Variants in BPIFC observed in about 807,000 individuals in gnomAD.
BPIFC encodes BPI fold-containing family C protein.
Under a neutral mutation model 57.6 loss-of-function variants are expected in BPIFC, and 60 were observed. That is an observed-to-expected ratio of 1.04 (90% CI 0.85 to 1.29). BPIFC has a LOEUF of 1.29. Among genes scored for constraint, BPIFC ranks in the 50% most tolerant of loss-of-function variants. The pLI, the probability that BPIFC is intolerant of heterozygous loss-of-function variation, is 0.00. For synonymous variants in BPIFC, 243 were observed against 224.5 expected (o/e 1.08, Z -0.74); for missense variants, 581 against 600.5 (o/e 0.97, Z 0.34).
intron 13 of BPIFC, among the ~76,000 whole-genome samples, chr22:32,419,824 A>AAAAAC (rs1933790254): frequency 7.3e-6 from 1 of 137,918 alleles, no homozygotes. Flanking sequence ...AAAAAAAAAA[A>AAAAAC]CAGATAAAAA....
At chr22:32,439,273 C>T (rs1934497696) in intron 8 of BPIFC, among the ~76,000 whole-genome samples, 2 of 151,794 alleles carry the variant, frequency 1.3e-5, no homozygotes, top group South Asian at 4.2e-4. Flanking sequence ...TGCGGTGAGC[C>T]AAGATTGTGC....
intron 2 of BPIFC, among the ~76,000 whole-genome samples, chr22:32,460,510 C>T (rs936365472): frequency 2.0e-5 from 3 of 152,192 alleles, no homozygotes; most frequent in Non-Finnish European, 4.4e-5. Flanking sequence ...GCTGGGTCAA[C>T]CTGCTTACAT....
At chr22:32,415,682 G>C (rs1237346953) in intron 16 of BPIFC, among the ~76,000 whole-genome samples, 1 of 152,200 alleles carries the variant, frequency 6.6e-6, no homozygotes, top group Non-Finnish European at 1.5e-5. Context: ...TTCTTATACT[G>C]TGGATTTGGC....
chr22:32,432,563 GAAAT>G lies in BPIFC; in HGVS notation c.979-24_979-21del, dbSNP rs773690934. ...TGCAATCTGCCCACATTCCGAGAAA[GAAAT>G]AAAGATTGTGAGGCGTGAGTTGGTG... is the stretch of plus-strand genomic sequence containing the variant. On this transcript the variant is annotated intron_variant, in intron 11 of 16. Transcript: ENST00000300399. The G allele has an allele frequency of 7.4e-6, 12 of 1,610,970 alleles. No individual in the cohort carries two copies. The highest frequency in any genetic ancestry group is 7.6e-6 in the Non-Finnish European group (9 of 1,177,602).
chr22:32,441,500 G>T (rs890298041), intron 8 of BPIFC, among the ~76,000 whole-genome samples: 1 of 152,092 alleles, frequency 6.6e-6, no homozygotes, highest in Non-Finnish European at 1.5e-5. Flanking sequence ...GCGCGCCATT[G>T]GTGAATGAAT....
chr22:32,460,350 T>C (rs961396545), intron 2 of BPIFC, among the ~76,000 whole-genome samples: 1 of 152,148 alleles, frequency 6.6e-6, no homozygotes, highest in Non-Finnish European at 1.5e-5. Flanking sequence ...GGCTGGAATT[T>C]TGTCTAGTGC....
intron 8 of BPIFC, among the ~76,000 whole-genome samples, chr22:32,440,061 A>G (rs1333844450): frequency 6.6e-6 from 1 of 152,082 alleles, no homozygotes; most frequent in Non-Finnish European, 1.5e-5. Flanking sequence ...TTTCCTCACT[A>G]CATCTTGTTT....
At chr22:32,429,397 G>A (rs892170262) in intron 13 of BPIFC, among the ~76,000 whole-genome samples, 7 of 151,396 alleles carry the variant, frequency 4.6e-5, no homozygotes, top group Admixed American at 2.6e-4. Context: ...CAGTAGAGAC[G>A]GGGTTTCACC....
intron 8 of BPIFC, among the ~76,000 whole-genome samples, chr22:32,442,400 G>A (rs1347298831): frequency 6.6e-6 from 1 of 152,084 alleles, no homozygotes; most frequent in Non-Finnish European, 1.5e-5. Context: ...CACTGCTTGG[G>A]TTCGTGCTCG....
chr22:32,416,804 A>G (rs572300285), intron 15 of BPIFC, among the ~76,000 whole-genome samples: 56 of 152,338 alleles, frequency 3.7e-4, no homozygotes, highest in African/African-American at 1.3e-3. Flanking sequence ...TTACTGCCTA[A>G]GGAGCATGGT....
chr22:32,436,349 G>GGAGGAA (rs1934394639), intron 9 of BPIFC, among the ~76,000 whole-genome samples: 6 of 76,616 alleles, frequency 7.8e-5, no homozygotes, highest in Non-Finnish European at 1.1e-4. Flanking sequence ...AAGAGGAAGA[G>GGAGGAA]GAGGAGGAGG....
chr22:32,451,658 G>A (rs865822591), intron 4 of BPIFC, among the ~76,000 whole-genome samples: 2 of 151,764 alleles, frequency 1.3e-5, no homozygotes, highest in South Asian at 2.1e-4. Context: ...TAACAAACCT[G>A]CACGTCGTGC....
intron 16 of BPIFC, 136 bp downstream of exon 16, chr22:32,415,779 A>G (rs1457007190): frequency 2.1e-5 from 12 of 573,214 alleles, no homozygotes; most frequent in Non-Finnish European, 2.4e-5. Context: ...AAACATGTTT[A>G]TAAGATTCCC....
intron 8 of BPIFC, among the ~76,000 whole-genome samples, chr22:32,439,006 G>A (rs1934487145): frequency 1.3e-5 from 2 of 152,038 alleles, no homozygotes; most frequent in Admixed American, 1.3e-4. Context: ...AGGGGACCAG[G>A]GTGCAGTGGT....
intron 3 of BPIFC, among the ~76,000 whole-genome samples, chr22:32,456,249 A>G (rs1386241316): frequency 1.3e-5 from 2 of 152,216 alleles, no homozygotes; most frequent in Non-Finnish European, 2.9e-5. Context: ...ACACATACAT[A>G]TATTCCTGGT....
chr22:32,440,284 G>C (rs376411409), intron 8 of BPIFC, among the ~76,000 whole-genome samples: 1 of 151,014 alleles, frequency 6.6e-6, no homozygotes, highest in Admixed American at 6.6e-5. Flanking sequence ...AAAGGCGCAC[G>C]CCACCATGCC....
At chr22:32,455,277 T>G (rs1357444856) in intron 3 of BPIFC, among the ~76,000 whole-genome samples, 1 of 151,970 alleles carries the variant, frequency 6.6e-6, no homozygotes, top group Non-Finnish European at 1.5e-5. Flanking sequence ...TCTCGATCTC[T>G]TGACCTCGTG....
intron 8 of BPIFC, 114 bp downstream of exon 8, chr22:32,442,557 A>G: frequency 9.4e-7 from 1 of 1,063,342 alleles, no homozygotes; most frequent in Admixed American, 2.1e-5. Context: ...AATTTGCAGA[A>G]TATGAAGCAG....
chr22:32,427,578 C>T (rs1167913603), intron 13 of BPIFC, among the ~76,000 whole-genome samples: 2 of 152,090 alleles, frequency 1.3e-5, no homozygotes, highest in Non-Finnish European at 2.9e-5. Context: ...ATCACGGTCC[C>T]GATGCTCAGG....
Sources: allele counts gnomAD v4.1 joint callset (sites outside exome capture counted in the v4.1 genomes callset), GRCh38; gene constraint gnomAD v4.1.1; transcripts MANE v1.5; gene names NCBI Gene and HGNC (gene_info 2026-07-23, HGNC 2026-07-21).